RPP30: variants seen among roughly 807,000 people sequenced by gnomAD.
RPP30 encodes ribonuclease P/MRP subunit p30.
A neutral mutation model predicts 38.6 loss-of-function variants in RPP30; 36 were observed. The observed-to-expected ratio is 0.93, with a 90% CI of 0.71 to 1.23. The LOEUF is 1.23. Among genes scored for constraint, RPP30 ranks in the 50% most tolerant of loss-of-function variants. The probability of loss-of-function intolerance (pLI) is 0.00; values close to 1 mark genes in which losing one functional copy is unlikely to be tolerated. For missense variants in RPP30, 321 were observed against 321.7 expected (o/e 1.00, Z 0.02); for synonymous variants, 126 against 112.7 (o/e 1.12, Z -0.75).
At chr10:90,881,840 G>A (rs1231995148) in intron 5 of RPP30, among the ~76,000 whole-genome samples, 1 of 152,104 alleles carries the variant, frequency 6.6e-6, no homozygotes, top group Non-Finnish European at 1.5e-5. Flanking sequence ...CTAAAACTAA[G>A]TTAGGTCTCC....
At chr10:90,891,366 A>G (rs1847079696) in intron 6 of RPP30, among the ~76,000 whole-genome samples, 4 of 152,214 alleles carry the variant, frequency 2.6e-5, no homozygotes, top group Admixed American at 1.3e-4. Context: ...ATAAGACACC[A>G]GTCATATTGG....
intron 5 of RPP30, among the ~76,000 whole-genome samples, chr10:90,884,611 C>T (rs1230872410): frequency 6.6e-6 from 1 of 152,166 alleles, no homozygotes; most frequent in Admixed American, 6.5e-5. Context: ...AACATTGCTT[C>T]CCAGGCTTAC....
chr10:90,876,851 C>T (rs1319228752), intron 4 of RPP30, among the ~76,000 whole-genome samples: 1 of 151,996 alleles, frequency 6.6e-6, no homozygotes, highest in Non-Finnish European at 1.5e-5. Context: ...AAGAGGCATC[C>T]AGGAGGGAGA....
intron 6 of RPP30, among the ~76,000 whole-genome samples, chr10:90,888,456 C>T (rs904017491): frequency 1.3e-5 from 2 of 152,072 alleles, no homozygotes; most frequent in Non-Finnish European, 2.9e-5. Context: ...TAGAGAACAC[C>T]GGCTGTCATG....
At chr10:90,877,698 A>G (rs1006130827) in intron 4 of RPP30, among the ~76,000 whole-genome samples, 8 of 152,138 alleles carry the variant, frequency 5.3e-5, no homozygotes, top group African/African-American at 1.9e-4. Context: ...CAATTGATAT[A>G]ATAGGGATGT....
intron 5 of RPP30, among the ~76,000 whole-genome samples, chr10:90,883,015 T>G (rs950108311): frequency 2.0e-5 from 3 of 152,072 alleles, no homozygotes; most frequent in Non-Finnish European, 2.9e-5. Context: ...TCAATGGAGG[T>G]AGGGCCTGGT....
intron 5 of RPP30, among the ~76,000 whole-genome samples, chr10:90,880,877 G>C (rs1846920083): frequency 6.6e-6 from 1 of 152,192 alleles, no homozygotes; most frequent in Non-Finnish European, 1.5e-5. Context: ...CTTTGTTCCA[G>C]TAGATTTGGG....
In RPP30 at chr10:90,902,169, T is replaced by C; in HGVS notation, c.*1490T>C. On this transcript the variant is annotated 3_prime_UTR_variant, in exon 11 of 11. Coordinates refer to ENST00000371703, the MANE Select transcript of RPP30 (RefSeq NM_006413.5). ...GAATACAAATGTTTAAATAAAATAT[T>C]GATTAAAAAAACATTAAAAGTGCAT... 1.1e-6 allele frequency: 1 copy of C among 940,448 alleles called. No homozygotes were observed. Among genetic ancestry groups the C allele is most frequent in the Non-Finnish European group, 1.3e-6 (1 of 784,146 alleles). The allele number at this position is 940,448 out of a possible 1,614,324, so 58.3% of individuals were successfully genotyped here.
chr10:90,906,203 G>A (rs1159970228), downstream of RPP30: 6 of 152,156 alleles, frequency 3.9e-5, no homozygotes, highest in Admixed American at 1.3e-4. Context: ...ACACCTTGGG[G>A]GAACTAATAG....
In RPP30 at chr10:90,901,805, G is replaced by A; in HGVS notation, c.*1126G>A. On this transcript the variant is annotated 3_prime_UTR_variant, in exon 11 of 11. Coordinates refer to ENST00000371703, the MANE Select transcript of RPP30 (RefSeq NM_006413.5). ...GCAAGAGAAAGACAACTGTTCTGCG[G>A]GTTGGAGAAAATACAATTTTTTTTT... The A allele has an allele frequency of 3.1e-6, 3 of 980,674 alleles. No individual in the cohort carries two copies. The highest frequency in any genetic ancestry group is 3.6e-6 in the Non-Finnish European group (3 of 828,174). 60.7% of individuals were successfully genotyped at this position (980,674 alleles called of 1,614,324 possible). A position where few individuals can be genotyped will look rare whatever the true frequency, so the allele number is the denominator to read the frequency against.
intron 1 of RPP30, chr10:90,872,284 A>G: frequency 1.7e-6 from 1 of 583,340 alleles, no homozygotes; most frequent in Non-Finnish European, 3.1e-6. Flanking sequence ...ACTTTCCTGC[A>G]ATGAGGGAAC....
chr10:90,873,327 G>A (rs1434348739), intron 1 of RPP30, among the ~76,000 whole-genome samples: 1 of 152,152 alleles, frequency 6.6e-6, no homozygotes, highest in Non-Finnish European at 1.5e-5. Flanking sequence ...CATTGTTAGT[G>A]GTTATTTGTT....
At chr10:90,900,449 C>T in intron 10 of RPP30, 121 bp from the exon 11 acceptor site, 3 of 889,574 alleles carry the variant, frequency 3.4e-6, no homozygotes, top group South Asian at 1.9e-5. Flanking sequence ...CACTAGCAGC[C>T]ATAGCAGTTC....
chr10:90,886,100 A>G (rs1846996925), intron 6 of RPP30, among the ~76,000 whole-genome samples, 199 bp downstream of exon 6: 1 of 152,258 alleles, frequency 6.6e-6, no homozygotes, highest in South Asian at 2.1e-4. Flanking sequence ...CCAGTTAATT[A>G]TTAAGATGTT....
rs371578941 is a variant in RPP30 at position 90,877,306 on chromosome 10, CA to C, written c.270+1219del. On this transcript the variant is annotated intron_variant, in intron 4 of 10. Transcript: ENST00000371703. ...TGCGCAACAGAGCCAGACTTCATTT[CA>C]AAAAAAAAAAGATGTGGCCTTCAGA... is the stretch of plus-strand genomic sequence containing the variant. Among the ~76,000 whole-genome samples the C allele has an allele frequency of 5.2e-3, 738 of 142,864 alleles. 3 individuals carry two copies. The highest frequency in any genetic ancestry group is 7.2e-3 in the Middle Eastern group (2 of 278). The allele number at this position is 142,864 out of a possible 152,430, so 93.7% of individuals were successfully genotyped here.
chr10:90,880,567 A>G (rs1297281348), intron 5 of RPP30, among the ~76,000 whole-genome samples: 2 of 152,102 alleles, frequency 1.3e-5, no homozygotes, highest in Non-Finnish European at 2.9e-5. Flanking sequence ...ATCCCTACTA[A>G]AAATACAAAA....
At chr10:90,872,556 A>C (rs1027163630) in intron 1 of RPP30, among the ~76,000 whole-genome samples, 6 of 152,160 alleles carry the variant, frequency 3.9e-5, no homozygotes, top group Non-Finnish European at 8.8e-5. Context: ...GGCAGAGGAC[A>C]TACACAGCGG....
At chr10:90,889,444 G>A (rs1847045981) in intron 6 of RPP30, among the ~76,000 whole-genome samples, 1 of 151,166 alleles carries the variant, frequency 6.6e-6, no homozygotes, top group Non-Finnish European at 1.5e-5. Context: ...CAAGTAGCTG[G>A]GATTACAGAC....
chr10:90,900,538 C>G (rs750579099), intron 10 of RPP30, 32 bp from the exon 11 acceptor site: 1 of 1,591,166 alleles, frequency 6.3e-7, no homozygotes, highest in East Asian at 2.3e-5. Context: ...GTCTTAACTT[C>G]AAGCACAGTG....
Sources: gnomAD v4.1 joint callset for allele counts (sites outside exome capture counted in the v4.1 genomes callset) on GRCh38, gnomAD v4.1.1 for gene constraint, MANE v1.5 for transcripts, NCBI Gene and HGNC (gene_info 2026-07-23, HGNC 2026-07-21) for gene names.